Variants in ATG2B observed in about 807,000 individuals in gnomAD.
ATG2B encodes autophagy related 2B, also known as autophagy-related protein 2 homolog B.
ATG2B carries 121 observed loss-of-function variants against 241.3 expected under a neutral mutation model. That is an observed-to-expected ratio of 0.50 (90% CI 0.43 to 0.58). The LOEUF (loss-of-function observed/expected upper bound fraction) is 0.58. Ranked by LOEUF, ATG2B falls within the 20% of genes least tolerant of loss-of-function variation. ATG2B has a pLI of 0.00. For synonymous variants in ATG2B, 858 were observed against 876.6 expected (o/e 0.98, Z 0.37); for missense variants, 2,306 against 2,491.6 (o/e 0.93, Z 1.59).
In ATG2B at chr14:96,329,475, A is replaced by C. The variant is rs1202230699; in HGVS notation, c.1881+9T>G. ...AAATAATCTTAAAGAAAAAGTATTC[A>C]ATATTTACCTCTGTATAGTGAGGAG... On this transcript the variant is annotated intron_variant, in intron 12 of 41. Coordinates refer to ENST00000359933, the MANE Select transcript of ATG2B (RefSeq NM_018036.7). 1 of 1,548,494 alleles carries C rather than the reference A, an allele frequency of 6.5e-7. No homozygotes were observed. Among genetic ancestry groups the C allele is most frequent in the Non-Finnish European group, 8.7e-7 (1 of 1,149,948 alleles).
chr14:96,308,231 C>CATATATATATATATATATATAT (rs1181364234), intron 29 of ATG2B, among the ~76,000 whole-genome samples: 1 of 17,604 alleles, frequency 5.7e-5, no homozygotes, highest in Non-Finnish European at 1.2e-4. Context: ...TATATATATA[C>CATATATATATATATATATATAT]ATATATATAT....
intron 25 of ATG2B, among the ~76,000 whole-genome samples, chr14:96,312,623 G>A (rs79889993): frequency 0.027 from 4,059 of 152,002 alleles, 190 homozygotes; most frequent in African/African-American, 0.093. Context: ...AGAGGCACAC[G>A]TCTATAGTCC....
chr14:96,354,395 A>G (rs1888417335), intron 1 of ATG2B, among the ~76,000 whole-genome samples: 1 of 152,160 alleles, frequency 6.6e-6, no homozygotes, highest in Admixed American at 6.5e-5. Flanking sequence ...CTGTTCCTGC[A>G]TCAGTCTGCC....
At chr14:96,329,075 T>C (rs1887661746) in intron 12 of ATG2B, among the ~76,000 whole-genome samples, 1 of 152,210 alleles carries the variant, frequency 6.6e-6, no homozygotes, top group Admixed American at 6.5e-5. Flanking sequence ...TAGGTCACAC[T>C]TTTACATTAG....
chr14:96,343,088 T>G (rs768727253), intron 5 of ATG2B, 31 bp downstream of exon 5: 24 of 1,479,324 alleles, frequency 1.6e-5, no homozygotes, highest in Non-Finnish European at 2.2e-5. Context: ...AAATCTATGA[T>G]TATGGTTTTA....
Position 96,363,182 on chromosome 14 carries a change from G to T in ATG2B, c.-206C>A. ...CCTGGCGGAGGCAAGACGCAGAGGG[G>T]TCCTCCTGGCCCCAGGCCAGGGGAC... On this transcript the variant is annotated 5_prime_UTR_variant, in exon 1 of 42. Coordinates refer to ENST00000359933, the MANE Select transcript of ATG2B (RefSeq NM_018036.7). 1.7e-6 allele frequency: 1 copy of T among 571,490 alleles called. No individual in the cohort carries two copies. The highest frequency in any genetic ancestry group is 3.1e-6 in the Non-Finnish European group (1 of 323,602). The allele number at this position is 571,490 out of a possible 1,614,324, so 35.4% of individuals were successfully genotyped here. A position where few individuals can be genotyped will look rare whatever the true frequency, so the allele number is the denominator to read the frequency against.
At chr14:96,303,564 A>G (rs529187010) in intron 32 of ATG2B, among the ~76,000 whole-genome samples, 6 of 152,286 alleles carry the variant, frequency 3.9e-5, no homozygotes, top group African/African-American at 9.6e-5. Flanking sequence ...CTTTTATTTT[A>G]GTATAGTGTT....
Position 96,334,271 on chromosome 14 carries a change from C to T in ATG2B, c.1021+134G>A. Reference sequence around the variant, plus strand: ...CACCCAATCAAATTTTACTACTTAACATTCTTATTTGCTTCTTTCAATTCA... The same window carrying T: ...CACCCAATCAAATTTTACTACTTAATATTCTTATTTGCTTCTTTCAATTCA... On this transcript the variant is annotated intron_variant, in intron 7 of 41. Coordinates refer to ENST00000359933, the MANE Select transcript of ATG2B (RefSeq NM_018036.7). 6.4e-6 allele frequency: 4 copies of T among 627,440 alleles called. No individual in the cohort carries two copies. The South Asian group carries it at 6.7e-5, about 11-fold the overall frequency. 38.9% of individuals were successfully genotyped at this position (627,440 alleles called of 1,614,324 possible).
intron 15 of ATG2B, among the ~76,000 whole-genome samples, chr14:96,325,083 A>G (rs1887554976): frequency 6.6e-6 from 1 of 152,210 alleles, no homozygotes; most frequent in African/African-American, 2.4e-5. Flanking sequence ...TTTTACAAAT[A>G]AAAGTCACTA....
At chr14:96,308,210 A>G (rs1887010773) in intron 29 of ATG2B, among the ~76,000 whole-genome samples, 1 of 118,250 alleles carries the variant, frequency 8.5e-6, no homozygotes, top group Admixed American at 9.6e-5. Flanking sequence ...ATATATATAT[A>G]AATACATAAA....
rs779866192 is a variant in ATG2B, at chr14:96,333,781, G to A, written c.1114C>T (p.Arg372Trp). The A allele has an allele frequency of 1.8e-5, 29 of 1,613,558 alleles. 1 individual carries two copies. Among genetic ancestry groups the A allele is most frequent in the Middle Eastern group, 3.3e-4 (2 of 6,084 alleles). ...DEYRIQMELNRYYLRKDSLSV... is the reference protein window; with the variant it reads ...DEYRIQMELNWYYLRKDSLSV... ...AGGGAATCTTTTCTCAAATAATACC[G>A]GTTTAATTCCATCTGAATTCGATAC... is the stretch of plus-strand genomic sequence containing the variant. Residue 372 changes from arginine (R) to tryptophan (W), a missense_variant, in exon 8 of 42, where the codon CGG (arginine) becomes TGG (tryptophan). By Grantham distance (101) the Arg-to-Trp change is moderately radical. Around this residue, in one of 2 missense-constraint regions of ATG2B, gnomAD observed 1,927 missense variants for 2,011.2 expected, o/e 0.96. Transcript: ENST00000359933.
At chr14:96,333,582 T>A (rs1416049101) in intron 8 of ATG2B, 106 bp downstream of exon 8, 1 of 1,042,104 alleles carries the variant, frequency 9.6e-7, no homozygotes, top group Non-Finnish European at 1.4e-6. Flanking sequence ...TGTGGATCTT[T>A]TTGTTCTTTC....
Position 96,305,674 on chromosome 14 carries a change from C to T in ATG2B, c.4648G>A (p.Val1550Met), listed in dbSNP as rs1414037652. 7 of 1,614,190 alleles carry T rather than the reference C, an allele frequency of 4.3e-6. No individual in the cohort carries two copies. In the Admixed American group the frequency reaches 8.3e-5, roughly 19 times the overall value. Residue 1550 changes from valine to methionine, a missense_variant, in exon 31 of 42, where the codon GTG becomes ATG. Physicochemically the swap from Val to Met is conservative, Grantham distance 21. Transcript: ENST00000359933. ...HFPIPVIRYVVKEVSLVWHLY... is the reference protein window; with the variant it reads ...HFPIPVIRYVMKEVSLVWHLY... ...TGCCAGACAAGAGAGACCTCCTTCA[C>T]CACATAGCGAATCACAGGAATGGGA...
chr14:96,306,958 T>C (rs756901085), intron 29 of ATG2B, 42 bp from the exon 30 acceptor site: 4 of 1,514,290 alleles, frequency 2.6e-6, no homozygotes, highest in Non-Finnish European at 1.8e-6. Flanking sequence ...CTTTGAAATA[T>C]CAACAACAAC....
chr14:96,356,506 G>A (rs1411140998), intron 1 of ATG2B, among the ~76,000 whole-genome samples: 1 of 152,062 alleles, frequency 6.6e-6, no homozygotes, highest in African/African-American at 2.4e-5. Context: ...TGGTTTGGGG[G>A]CTGGCTCATA....
chr14:96,292,124 AT>A, intron 36 of ATG2B, 26 bp from the exon 37 acceptor site: 1 of 1,447,492 alleles, frequency 6.9e-7, no homozygotes, highest in Non-Finnish European at 9.6e-7. Context: ...GGAGGGAGTT[AT>A]TTACATTTAC....
intron 29 of ATG2B, 55 bp from the exon 30 acceptor site, chr14:96,306,971 G>C: frequency 3.5e-6 from 5 of 1,425,930 alleles, no homozygotes; most frequent in Non-Finnish European, 4.9e-6. Flanking sequence ...ACAACAACAA[G>C]CATTTTAACC....
In ATG2B at chr14:96,312,104, T is replaced by C. The variant is rs373430543; in HGVS notation, c.3898A>G (p.Ile1300Val). ...TAACTCTTACCTCTACTCAGATTTA[T>C]AGTGACAGTATTGCATTTGTCAGAT... Reference protein sequence around the residue: ...HLSDKCNTVTINLSRDYVRVM... With the variant: ...HLSDKCNTVTVNLSRDYVRVM... Residue 1300 changes from isoleucine to valine, a missense_variant, in exon 26 of 42, where the codon ATA (isoleucine) becomes GTA (valine). Coordinates refer to ENST00000359933, the MANE Select transcript of ATG2B (RefSeq NM_018036.7). The C allele has an allele frequency of 3.1e-6, 5 of 1,604,872 alleles. No individual in the cohort carries two copies. Among genetic ancestry groups the C allele is most frequent in the African/African-American group, 2.7e-5 (2 of 74,290 alleles).
chr14:96,332,233 G>T, intron 10 of ATG2B, 72 bp downstream of exon 10: 46 of 1,088,998 alleles, frequency 4.2e-5, no homozygotes, highest in Non-Finnish European at 5.8e-5. Context: ...AAAAAAGAAA[G>T]AAAAGCACCA....
Sources: gnomAD v4.1 joint callset for allele counts (sites outside exome capture counted in the v4.1 genomes callset) on GRCh38, gnomAD v4.1.1 for gene constraint, gnomAD v4.1.1 regional missense constraint, MANE v1.5 for transcripts, NCBI Gene and HGNC (gene_info 2026-07-23, HGNC 2026-07-21) for gene names.